The following DERA variants were observed in gnomAD, a reference collection of about 807,000 sequenced individuals.
DERA encodes deoxyribose-phosphate aldolase.
A neutral mutation model predicts 41.1 loss-of-function variants in DERA; 15 were observed. The ratio of observed to expected loss-of-function variants is 0.37; its 90% CI spans 0.24 to 0.56. DERA has a LOEUF of 0.56. DERA is among the 20% of genes least tolerant of loss of function. The pLI is 0.81. For synonymous variants in DERA, 139 were observed against 137.4 expected (o/e 1.01, Z -0.08); for missense variants, 396 against 403.4 (o/e 0.98, Z 0.16).
rs1271975772 is a variant in DERA, at chr12:16,014,121, C to G, written c.638-18421C>G. Among the ~76,000 whole-genome samples the G allele has an allele frequency of 3.3e-5, 5 of 152,074 alleles. No homozygotes were observed. The highest frequency in any genetic ancestry group is 1.2e-4 in the African/African-American group (5 of 41,392). ...AACTTAGTTTAAAAGGGAAGCAGAG[C>G]ATAAAAGTTTAGAAAATTTGCAGCC... is the stretch of plus-strand genomic sequence containing the variant. On this transcript the variant is annotated intron_variant, in intron 6 of 8. Transcript: ENST00000428559. This position sits in a 1 kb window ranked among gnomAD's most constrained non-coding sequence, Gnocchi z 5.4.
At chr12:15,956,656 A>G in intron 1 of DERA, 1 of 476,278 alleles carries the variant, frequency 2.1e-6, no homozygotes, top group East Asian at 5.5e-5. Flanking sequence ...GTGATGAATC[A>G]ATACAGGTTC....
At chr12:15,933,336 T>C (rs979485122) in intron 1 of DERA, among the ~76,000 whole-genome samples, 6 of 152,210 alleles carry the variant, frequency 3.9e-5, no homozygotes, top group African/African-American at 1.4e-4. Flanking sequence ...TTTTTTTAAA[T>C]TATCTGTTTC....
chr12:15,957,024 G>A lies in DERA; in HGVS notation c.120G>A (p.Lys40=), dbSNP rs772006617. 1.2e-6 allele frequency: 2 copies of A among 1,613,656 alleles called. No homozygotes were observed. The highest frequency in any genetic ancestry group is 1.7e-6 in the Non-Finnish European group (2 of 1,179,636). ...TCCAGGCTCGCAGAACCGTGAAAAA[G>A]GAGTGGCAGGTAAGGGTTCTTCTTG... is the stretch of plus-strand genomic sequence containing the variant. ...EQIQARRTVK[K]EWQAAWLLKA... is the part of the protein sequence containing the mutation. Residue 40 remains lysine (K), a synonymous_variant, in exon 2 of 9, where the codon AAG becomes AAA. Transcript: ENST00000428559. This position sits in a 1 kb window ranked among gnomAD's most constrained non-coding sequence, Gnocchi z 4.8.
chr12:16,007,912 A>G (rs1948923611), intron 6 of DERA, among the ~76,000 whole-genome samples: 1 of 152,022 alleles, frequency 6.6e-6, no homozygotes, highest in Non-Finnish European at 1.5e-5. Context: ...GTGCAGTGGC[A>G]TAGTCTTGGC....
In DERA at chr12:16,026,800, C is replaced by A. The variant is rs941508662; in HGVS notation, c.638-5742C>A. On this transcript the variant is annotated intron_variant, in intron 6 of 8. Coordinates refer to ENST00000428559, the MANE Select transcript of DERA (RefSeq NM_015954.4). This position sits in a 1 kb window ranked among gnomAD's most constrained non-coding sequence, Gnocchi z 4.4. The stretch of plus-strand genomic sequence containing the variant: ...GAAAATAGAAGAGAGAACACTCATT[C>A]TGTGAGACAATTACTCCAAAACCAT... Among the ~76,000 whole-genome samples, 15 of 152,064 alleles carry A rather than the reference C, an allele frequency of 9.9e-5. No individual in the cohort carries two copies. The highest frequency in any genetic ancestry group is 4.1e-4 in the South Asian group (2 of 4,828).
chr12:15,912,965 C>T (rs1445869725), intron 1 of DERA, among the ~76,000 whole-genome samples: 2 of 152,086 alleles, frequency 1.3e-5, no homozygotes, highest in African/African-American at 2.4e-5. Context: ...TTAGTAATAA[C>T]GGCATTATTT....
Position 16,014,613 on chromosome 12 carries a change from C to G in DERA, c.638-17929C>G, listed in dbSNP as rs146054206. The stretch of plus-strand genomic sequence containing the variant: ...GCAGAGGGGAGCCCTCGTGGAGAAC[C>G]TCTGCTAGGGCAGTGTGGAAGGGAA... On this transcript the variant is annotated intron_variant, in intron 6 of 8. Coordinates refer to ENST00000428559, the MANE Select transcript of DERA (RefSeq NM_015954.4). This position sits in a 1 kb window ranked among gnomAD's most constrained non-coding sequence, Gnocchi z 5.4. 5.2e-3 allele frequency among the ~76,000 whole-genome samples: 791 copies of G among 152,346 alleles called. 2 individuals carry two copies. Among genetic ancestry groups the G allele is most frequent in the Non-Finnish European group, 8.4e-3 (573 of 68,034 alleles).
In DERA at chr12:15,982,250, G is replaced by T. The variant is rs1014421402; in HGVS notation, c.509-58G>T. ...TGGGTTCCACCAGCTCTAAACGGCT[G>T]CCAAGTTATGTTATCACTTGCCTGC... On this transcript the variant is annotated intron_variant, in intron 5 of 8. Transcript: ENST00000428559. This position sits in a 1 kb window ranked among gnomAD's most constrained non-coding sequence, Gnocchi z 4.0. 2.6e-6 allele frequency: 4 copies of T among 1,556,084 alleles called. No individual in the cohort carries two copies. In the African/African-American group the frequency reaches 5.5e-5, roughly 21 times the overall value.
chr12:15,945,553 T>A (rs1565591310), intron 1 of DERA, among the ~76,000 whole-genome samples: 1 of 152,232 alleles, frequency 6.6e-6, no homozygotes, highest in African/African-American at 2.4e-5. Flanking sequence ...ATAAGAAGGC[T>A]TGTGATTTTT....
rs71438362 is a variant in DERA, at chr12:15,936,850, GTTGTCTTGTCTTGTC to G, written c.32-20060_32-20046del. Among the ~76,000 whole-genome samples, 1,118 of 129,522 alleles carry G rather than the reference GTTGTCTTGTCTTGTC, an allele frequency of 8.6e-3. 15 individuals are homozygous for G. Among genetic ancestry groups the G allele is most frequent in the African/African-American group, 0.028 (942 of 34,106 alleles). 85.0% of individuals were successfully genotyped at this position (129,522 alleles called of 152,430 possible). A position where few individuals can be genotyped will look rare whatever the true frequency, so the allele number is the denominator to read the frequency against. ...CTTATTTCTGCATCTTCTGTCTTGT[GTTGTCTTGTCTTGTC>G]TTGTCTTGTCTTGTCTTGTCTTGTC... On this transcript the variant is annotated intron_variant, in intron 1 of 8. Transcript: ENST00000428559. The surrounding 1 kb of genome is among the most constrained non-coding windows in gnomAD (Gnocchi z 4.6).
chr12:15,932,239 C>T (rs923703530), intron 1 of DERA, among the ~76,000 whole-genome samples: 4 of 152,158 alleles, frequency 2.6e-5, no homozygotes, highest in Admixed American at 1.3e-4. Context: ...TGACAGCTTT[C>T]CAAAGCATTG....
chr12:15,991,320 A>C (rs1249067597), intron 6 of DERA, among the ~76,000 whole-genome samples: 1 of 152,022 alleles, frequency 6.6e-6, no homozygotes, highest in Non-Finnish European at 1.5e-5. Context: ...TTTTCTTGTA[A>C]ATTTGTTTAA....
Position 15,957,807 on chromosome 12 carries a change from G to A in DERA, c.130-381G>A, listed in dbSNP as rs1444643326. 1.3e-5 allele frequency among the ~76,000 whole-genome samples: 2 copies of A among 152,176 alleles called. No individual in the cohort carries two copies. Among genetic ancestry groups the A allele is most frequent in the African/African-American group, 2.4e-5 (1 of 41,436 alleles). On this transcript the variant is annotated intron_variant, in intron 2 of 8. Transcript: ENST00000428559. The surrounding 1 kb of genome is among the most constrained non-coding windows in gnomAD (Gnocchi z 4.8). ...ATAATCTCATCCCAGATCCCAGAGCGGGAGGTAAAATGTAAGGTAGAAACC... is the reference window on the plus strand; with the variant it reads ...ATAATCTCATCCCAGATCCCAGAGCAGGAGGTAAAATGTAAGGTAGAAACC...
In DERA at chr12:16,036,878, G is replaced by A. The variant is rs759603275; in HGVS notation, c.*132G>A. 29 of 673,492 alleles carry A rather than the reference G, an allele frequency of 4.3e-5. No homozygotes were observed. The highest frequency in any genetic ancestry group is 6.4e-5 in the Non-Finnish European group (25 of 391,960). 41.7% of individuals were successfully genotyped at this position (673,492 alleles called of 1,614,324 possible). ...CATTCCTCTCTTTAAAATTTCTACCGAACTTAATGGAATGGAAAAAGCAAA... is the reference window on the plus strand; with the variant it reads ...CATTCCTCTCTTTAAAATTTCTACCAAACTTAATGGAATGGAAAAAGCAAA... On this transcript the variant is annotated 3_prime_UTR_variant, in exon 9 of 9. Coordinates refer to ENST00000428559, the MANE Select transcript of DERA (RefSeq NM_015954.4). The surrounding 1 kb of genome is among the most constrained non-coding windows in gnomAD (Gnocchi z 4.9).
chr12:15,972,812 G>A lies in DERA; in HGVS notation c.509-9496G>A, dbSNP rs190226575. ...CAGTGGGAGTGGTGCGGGACTCCACGATCTAGTGCTGGACTTGGAAGTTAA... is the reference window on the plus strand; with the variant it reads ...CAGTGGGAGTGGTGCGGGACTCCACAATCTAGTGCTGGACTTGGAAGTTAA... On this transcript the variant is annotated intron_variant, in intron 5 of 8. Transcript: ENST00000428559. This position sits in a 1 kb window ranked among gnomAD's most constrained non-coding sequence, Gnocchi z 4.4. Among the ~76,000 whole-genome samples, 8 of 152,288 alleles carry A rather than the reference G, an allele frequency of 5.3e-5. No individual in the cohort carries two copies. The highest frequency in any genetic ancestry group is 3.4e-3 in the Middle Eastern group (1 of 292).
At chr12:15,997,561 A>G (rs1354399869) in intron 6 of DERA, among the ~76,000 whole-genome samples, 1 of 152,204 alleles carries the variant, frequency 6.6e-6, no homozygotes, top group Non-Finnish European at 1.5e-5. Flanking sequence ...TTCTGCAGTC[A>G]TGACTTTAAC....
Position 16,036,336 on chromosome 12 carries a change from CTT to C in DERA, c.857_858del (p.Phe286SerfsTer12). ...GAGATGAGTGGCTGAAGCCAGAACTCTTTCGAATAGGTGCCAGTACTCTGCTC... is the reference window on the plus strand; with the variant it reads ...GAGATGAGTGGCTGAAGCCAGAACTCTCGAATAGGTGCCAGTACTCTGCTC... ...LGDEWLKPEL[F>X]RIGASTLLSD... On this transcript the variant is annotated frameshift_variant, in exon 8 of 9. Transcript: ENST00000428559. LOFTEE classifies it high-confidence loss of function. The surrounding 1 kb of genome is among the most constrained non-coding windows in gnomAD (Gnocchi z 4.9). 6.2e-7 allele frequency: 1 copy of C among 1,613,488 alleles called. No individual in the cohort carries two copies. The highest frequency in any genetic ancestry group is 8.5e-7 in the Non-Finnish European group (1 of 1,179,678).
chr12:15,991,159 G>A (rs144040670), intron 6 of DERA, among the ~76,000 whole-genome samples: 2,107 of 152,226 alleles, frequency 0.014, 32 homozygotes, highest in Middle Eastern at 0.027. Context: ...TCTGATTGGT[G>A]TGAGATGGTA....
chr12:16,025,611 A>G (rs1237029110), intron 6 of DERA, among the ~76,000 whole-genome samples: 1 of 152,142 alleles, frequency 6.6e-6, no homozygotes, highest in Non-Finnish European at 1.5e-5. Context: ...GTAGCTGGAA[A>G]CTTCAAAGCT....
Sources: gnomAD v4.1 joint callset for allele counts (sites outside exome capture counted in the v4.1 genomes callset) on GRCh38, gnomAD v4.1.1 for gene constraint, Gnocchi (gnomAD v3.1) non-coding constraint, MANE v1.5 for transcripts, NCBI Gene and HGNC (gene_info 2026-07-23, HGNC 2026-07-21) for gene names.